MLC1: variants seen among roughly 807,000 people sequenced by gnomAD.
MLC1 encodes the protein modulator of VRAC current 1, also known as membrane protein MLC1.
Under a neutral mutation model 44.7 loss-of-function variants are expected in MLC1, and 32 were observed. That is an observed-to-expected ratio of 0.72 (90% CI 0.54 to 0.96). MLC1 has a LOEUF of 0.96. Among genes scored for constraint, MLC1 ranks in the 40% least tolerant of loss-of-function variants. The pLI is 0.00. For missense variants in MLC1, 459 were observed against 492.2 expected (o/e 0.93, Z 0.64); for synonymous variants, 190 against 213.0 (o/e 0.89, Z 0.94).
chr22:50,074,230 A>C lies in MLC1; in HGVS notation c.700T>G (p.Trp234Gly). The change falls in exon 8 of 12, where the codon TGG becomes GGG. Residue 234 changes from tryptophan to glycine, a missense_variant. By Grantham distance (184) the Trp-to-Gly change is radical (BLOSUM62 -2). Transcript: ENST00000311597. ...SGPHLSVTFF[W>G]ILVACFPSAI... ...GGGTTACTCACGGCCACTAGGATCC[A>C]AAAGAACGTCACTGAGAGGTGTGGG... 1 of 1,613,414 alleles carries C rather than the reference A, an allele frequency of 6.2e-7. No homozygotes were observed. Among genetic ancestry groups the C allele is most frequent in the Non-Finnish European group, 8.5e-7 (1 of 1,179,786 alleles).
rs561413620 is a variant in MLC1 at position 50,070,699 on chromosome 22, G to T, written c.715-116C>A. The T allele has an allele frequency of 4.2e-5, 47 of 1,108,004 alleles. No individual in the cohort carries two copies. The South Asian group carries it at 4.9e-4, about 12-fold the overall frequency. 68.6% of individuals were successfully genotyped at this position (1,108,004 alleles called of 1,614,324 possible). A position where few individuals can be genotyped will look rare whatever the true frequency, so the allele number is the denominator to read the frequency against. ...GCAGGCTGCCTGGCTGGCTTGCTGT[G>T]GGGGGCAGGGGGGATGGTGCAGTGC... is the stretch of plus-strand genomic sequence containing the variant. On this transcript the variant is annotated intron_variant, in intron 8 of 11. Transcript: ENST00000311597.
intron 9 of MLC1, among the ~76,000 whole-genome samples, chr22:50,069,025 C>T (rs1339982277): frequency 6.6e-6 from 1 of 151,690 alleles, no homozygotes; most frequent in South Asian, 2.1e-4. Flanking sequence ...CCGCGCCCGG[C>T]CTGCCTTTCT....
In MLC1 at chr22:50,080,207, C is replaced by G. The variant is rs944615660; in HGVS notation, c.321+137G>C. 9 of 1,227,096 alleles carry G rather than the reference C, an allele frequency of 7.3e-6. No homozygotes were observed. The African/African-American group carries it at 1.0e-4, about 14-fold the overall frequency. 76.0% of individuals were successfully genotyped at this position (1,227,096 alleles called of 1,614,324 possible). A position where few individuals can be genotyped will look rare whatever the true frequency, so the allele number is the denominator to read the frequency against. The stretch of plus-strand genomic sequence containing the variant: ...CTGGGCTGGGCAGGAGCTTTACTGT[C>G]TGGGGGGCAACCTCGGGGGCCCCTC... On this transcript the variant is annotated intron_variant, in intron 4 of 11. Coordinates refer to ENST00000311597, the MANE Select transcript of MLC1 (RefSeq NM_015166.4).
In MLC1 at chr22:50,068,572, G is replaced by T. The variant is rs750513880; in HGVS notation, c.772-17C>A. On this transcript the variant is annotated splice_polypyrimidine_tract_variant and intron_variant, in intron 9 of 11. Transcript: ENST00000311597. ...GACCTCCACCTGGAAAAAAAGCGCG[G>T]GTTGCAGGACCACGGCCGGAGCCTG... 2 of 1,612,426 alleles carry T rather than the reference G, an allele frequency of 1.2e-6. No homozygotes were observed. Among genetic ancestry groups the T allele is most frequent in the South Asian group, 2.2e-5 (2 of 90,996 alleles).
At chr22:50,062,101 CCACCCTGAGCCCCAGTTGT>C (rs2061573369) in intron 11 of MLC1, among the ~76,000 whole-genome samples, 1 of 151,570 alleles carries the variant, frequency 6.6e-6, no homozygotes, top group African/African-American at 2.4e-5. Context: ...CCCCAGCTGT[CCACCCTGAGCCCCAGTTGT>C]CCACCCTGAG....
intron 8 of MLC1, among the ~76,000 whole-genome samples, chr22:50,073,560 G>A (rs1179121137): frequency 1.3e-5 from 2 of 152,076 alleles, no homozygotes; most frequent in Admixed American, 6.6e-5. Flanking sequence ...GCAAAACCCG[G>A]TCTCTACTAA....
intron 6 of MLC1, 149 bp from the exon 7 acceptor site, chr22:50,077,061 G>T: frequency 1.2e-6 from 1 of 802,686 alleles, no homozygotes; most frequent in Non-Finnish European, 2.2e-6. Context: ...CTTTGGGCTT[G>T]AGGAAATGTT....
intron 1 of MLC1, 173 bp downstream of exon 1, chr22:50,085,182 C>G: frequency 7.6e-7 from 1 of 1,314,282 alleles, no homozygotes. Context: ...CTTTAAATGC[C>G]TCATTGATCC....
chr22:50,079,728 C>T (rs1295025270), intron 5 of MLC1, among the ~76,000 whole-genome samples, 190 bp downstream of exon 5: 1 of 151,910 alleles, frequency 6.6e-6, no homozygotes, highest in Non-Finnish European at 1.5e-5. Flanking sequence ...AAATCTGTCC[C>T]GCAGAATCAC....
chr22:50,066,908 C>T (rs977965617), intron 10 of MLC1, among the ~76,000 whole-genome samples: 2 of 124,872 alleles, frequency 1.6e-5, no homozygotes, highest in Admixed American at 1.6e-4. Context: ...AACCAGAGGC[C>T]ATTAAACTTA....
At chr22:50,064,240 C>T (rs2146773777) in intron 10 of MLC1, 42 bp from the exon 11 acceptor site, 2 of 1,556,436 alleles carry the variant, frequency 1.3e-6, no homozygotes, top group East Asian at 2.3e-5. Context: ...CCCAGCCGCC[C>T]TCCAGCCCAG....
At chr22:50,068,228 CA>C (rs571937254) in intron 10 of MLC1, among the ~76,000 whole-genome samples, 205 of 152,330 alleles carry the variant, frequency 1.3e-3, no homozygotes, top group African/African-American at 4.7e-3. Flanking sequence ...GCCCCAGATA[CA>C]GGGCGGAATC....
At chr22:50,076,953 A>G (rs2061997840) in intron 6 of MLC1, 41 bp from the exon 7 acceptor site, 2 of 1,610,200 alleles carry the variant, frequency 1.2e-6, no homozygotes, top group African/African-American at 1.3e-5. Context: ...GCACGGGCAC[A>G]GGGACTCAGC....
At chr22:50,071,163 C>T (rs1032214161) in intron 8 of MLC1, among the ~76,000 whole-genome samples, 5 of 151,082 alleles carry the variant, frequency 3.3e-5, no homozygotes, top group Non-Finnish European at 7.4e-5. Context: ...GGCTGGAGTA[C>T]GGTGGCGCGA....
At chr22:50,075,603 G>A (rs1314508197) in intron 7 of MLC1, among the ~76,000 whole-genome samples, 6 of 151,890 alleles carry the variant, frequency 4.0e-5, no homozygotes, top group East Asian at 1.9e-4. Context: ...CCAGCTACTC[G>A]GGAGGCTGAG....
intron 10 of MLC1, among the ~76,000 whole-genome samples, chr22:50,066,207 C>T (rs1005786686): frequency 2.0e-5 from 3 of 150,730 alleles, no homozygotes; most frequent in Middle Eastern, 3.2e-3. Context: ...AATTAAAAAG[C>T]GAGGTACATG....
Position 50,076,923 on chromosome 22 carries a change from A to G in MLC1, c.526-11T>C, listed in dbSNP as rs1173400841. On this transcript the variant is annotated splice_polypyrimidine_tract_variant and intron_variant, in intron 6 of 11. Transcript: ENST00000311597. ...GTCAGACATGGAGCCCTACGAAGAA[A>G]CAGAACTGTCACCCCGGGTGCACGG... is the stretch of plus-strand genomic sequence containing the variant. 6.2e-7 allele frequency: 1 copy of G among 1,613,768 alleles called. No individual in the cohort carries two copies. The highest frequency in any genetic ancestry group is 8.5e-7 in the Non-Finnish European group (1 of 1,179,850).
intron 9 of MLC1, 127 bp from the exon 10 acceptor site, chr22:50,068,682 G>T (rs2061774296): frequency 2.9e-6 from 3 of 1,035,090 alleles, no homozygotes; most frequent in Non-Finnish European, 2.9e-6. Context: ...CTGGTTCCCT[G>T]CATGACTCCT....
At chr22:50,079,883 T>G in intron 5 of MLC1, 35 bp downstream of exon 5, 1 of 1,427,096 alleles carries the variant, frequency 7.0e-7, no homozygotes. Context: ...GGGCTGTGGG[T>G]GTCAGGCGTC....
Sources: allele counts gnomAD v4.1 joint callset (sites outside exome capture counted in the v4.1 genomes callset), GRCh38; gene constraint gnomAD v4.1.1; transcripts MANE v1.5; gene names NCBI Gene and HGNC (gene_info 2026-07-23, HGNC 2026-07-21).